Variants in CLEC16A observed in about 807,000 individuals in gnomAD.
The protein encoded by CLEC16A is C-type lectin domain containing 16A, also known as protein CLEC16A.
CLEC16A carries 51 observed loss-of-function variants against 109.5 expected under a neutral mutation model. The observed-to-expected ratio is 0.47, with a 90% CI of 0.37 to 0.59. CLEC16A has a LOEUF of 0.59. CLEC16A is among the 20% of genes least tolerant of loss of function. CLEC16A has a pLI of 0.00. For missense variants in CLEC16A, 1,339 were observed against 1,394.0 expected, an observed-to-expected ratio of 0.96 and a Z score of 0.63; for synonymous variants, 673 against 564.2, an observed-to-expected ratio of 1.19 and a Z score of -2.73.
chr16:11,056,524 C>T (rs934614534), intron 18 of CLEC16A: 5 of 152,144 alleles, frequency 3.3e-5, no homozygotes, highest in Non-Finnish European at 7.4e-5. Context: ...AAGTTTAAGC[C>T]ACTAGCCATC....
intron 23 of CLEC16A, among the ~76,000 whole-genome samples, chr16:11,171,456 G>T (rs905387607): frequency 9.2e-5 from 14 of 152,200 alleles, no homozygotes; most frequent in Admixed American, 6.5e-4. Context: ...GAAGTGTGGT[G>T]AGATCCTCCA....
intron 23 of CLEC16A, among the ~76,000 whole-genome samples, chr16:11,167,723 C>A (rs1276624160): frequency 1.3e-5 from 2 of 152,214 alleles, no homozygotes; most frequent in African/African-American, 2.4e-5. Flanking sequence ...ACAGCCACCT[C>A]ACTGAGAGAT....
chr16:11,003,005 G>C, intron 10 of CLEC16A, 69 bp from the exon 11 acceptor site: 1 of 1,310,848 alleles, frequency 7.6e-7, no homozygotes, highest in South Asian at 1.5e-5. Flanking sequence ...AAACTTTTGG[G>C]CAACTTGATA....
chr16:11,158,689 G>T (rs543079572), intron 22 of CLEC16A, among the ~76,000 whole-genome samples: 2 of 151,920 alleles, frequency 1.3e-5, no homozygotes, highest in Non-Finnish European at 2.9e-5. Flanking sequence ...TTGGGAGGCC[G>T]AGGGAAGAGG....
chr16:11,088,982 A>G (rs941692694), intron 19 of CLEC16A, among the ~76,000 whole-genome samples: 2 of 152,164 alleles, frequency 1.3e-5, no homozygotes, highest in African/African-American at 2.4e-5. Flanking sequence ...CCAGCCACCC[A>G]CAGTACCCCC....
At chr16:11,078,556 A>G (rs910647303) in intron 19 of CLEC16A, among the ~76,000 whole-genome samples, 22 of 152,142 alleles carry the variant, frequency 1.4e-4, no homozygotes, top group Non-Finnish European at 2.8e-4. Flanking sequence ...TCAGGTGGAA[A>G]CCACCTGCCG....
chr16:11,002,720 G>A (rs576434949), intron 10 of CLEC16A, among the ~76,000 whole-genome samples: 2 of 152,148 alleles, frequency 1.3e-5, no homozygotes, highest in South Asian at 4.2e-4. Context: ...ATGTTATTTA[G>A]CTCCTGCTTA....
chr16:11,140,609 C>A (rs771876373), intron 22 of CLEC16A, among the ~76,000 whole-genome samples: 6 of 152,140 alleles, frequency 3.9e-5, no homozygotes, highest in Non-Finnish European at 8.8e-5. Flanking sequence ...CTGTCCCCAC[C>A]ATGTCCCACA....
At chr16:10,953,636 G>C (rs937824760) in intron 1 of CLEC16A, among the ~76,000 whole-genome samples, 1 of 152,198 alleles carries the variant, frequency 6.6e-6, no homozygotes, top group East Asian at 1.9e-4. Context: ...AGGGTTTGTG[G>C]TCAGAGTATA....
intron 11 of CLEC16A, among the ~76,000 whole-genome samples, chr16:11,003,591 C>T (rs903354457): frequency 2.0e-5 from 3 of 152,182 alleles, no homozygotes; most frequent in African/African-American, 7.2e-5. Flanking sequence ...ATAGTACCTA[C>T]TTTGTAGTGT....
rs180838814 is a variant in CLEC16A at position 11,013,956 on chromosome 16, G to A, written c.1304-6237G>A. On this transcript the variant is annotated intron_variant, in intron 11 of 23. Transcript: ENST00000409790. ...TCTGTCTCAAAAAAAAGAAGAAGAA[G>A]AAGAAGAAGAAATTTGGATTCTTTT... 5.0e-4 allele frequency among the ~76,000 whole-genome samples: 76 copies of A among 152,064 alleles called. No individual in the cohort carries two copies. In the Middle Eastern group the frequency reaches 0.01, roughly 20 times the overall value.
chr16:10,995,964 T>C (rs1484526936), intron 10 of CLEC16A, among the ~76,000 whole-genome samples: 1 of 152,154 alleles, frequency 6.6e-6, no homozygotes, highest in Non-Finnish European at 1.5e-5. Context: ...CTTTGATAGA[T>C]TCAGACAGAA....
rs190089556 is a variant in CLEC16A at position 11,090,193 on chromosome 16, G to A, written c.2116+29171G>A. ...GACCTGCCTCATACGACCAGGCTGC[G>A]TCAGTCATGGGAGTGAGCTGTCAGA... On this transcript the variant is annotated intron_variant, in intron 19 of 23. Coordinates refer to ENST00000409790, the MANE Select transcript of CLEC16A (RefSeq NM_015226.3). 6.0e-4 allele frequency among the ~76,000 whole-genome samples: 91 copies of A among 152,268 alleles called. 1 individual carries two copies. The highest frequency in any genetic ancestry group is 1.9e-3 in the African/African-American group (79 of 41,542).
At chr16:11,090,005 C>A (rs1442712812) in intron 19 of CLEC16A, among the ~76,000 whole-genome samples, 2 of 152,224 alleles carry the variant, frequency 1.3e-5, no homozygotes, top group Non-Finnish European at 2.9e-5. Context: ...CCATCCTTTA[C>A]ACTCAGAATA....
intron 22 of CLEC16A, among the ~76,000 whole-genome samples, chr16:11,144,492 CAGCTG>C (rs2053972647): frequency 1.3e-5 from 2 of 152,118 alleles, no homozygotes; most frequent in Non-Finnish European, 2.9e-5. Flanking sequence ...ACCCTCCCCT[CAGCTG>C]AGAGGGACCT....
intron 20 of CLEC16A, 37 bp from the exon 21 acceptor site, chr16:11,123,705 C>G (rs1338862825): frequency 6.2e-7 from 1 of 1,607,612 alleles, no homozygotes; most frequent in East Asian, 2.2e-5. Flanking sequence ...CCTCCCAAAC[C>G]CAACGAATGC....
chr16:11,109,038 G>A (rs1027496478), intron 19 of CLEC16A, among the ~76,000 whole-genome samples: 1 of 150,560 alleles, frequency 6.6e-6, no homozygotes, highest in Non-Finnish European at 1.5e-5. Flanking sequence ...ATGAACCCGG[G>A]AGGCGGAGCT....
chr16:11,147,206 C>T (rs2054099840), intron 22 of CLEC16A, among the ~76,000 whole-genome samples: 1 of 152,216 alleles, frequency 6.6e-6, no homozygotes, highest in Non-Finnish European at 1.5e-5. Flanking sequence ...TGGCTAGGCA[C>T]AGAATTCCCC....
intron 8 of CLEC16A, 22 bp from the exon 9 acceptor site, chr16:10,979,307 C>T (rs1431043709): frequency 6.2e-7 from 1 of 1,607,988 alleles, no homozygotes; most frequent in South Asian, 1.1e-5. Flanking sequence ...CTCTCTCTCT[C>T]TCTCCTGCCA....
Sources: gnomAD v4.1 joint callset for allele counts (sites outside exome capture counted in the v4.1 genomes callset) on GRCh38, gnomAD v4.1.1 for gene constraint, MANE v1.5 for transcripts, NCBI Gene and HGNC (gene_info 2026-07-23, HGNC 2026-07-21) for gene names.